The following SRGAP2C variants were observed in gnomAD, a reference collection of about 807,000 sequenced individuals.
SRGAP2C encodes SLIT-ROBO Rho GTPase-activating protein 2C.
A neutral mutation model predicts 25.1 loss-of-function variants in SRGAP2C; 15 were observed. The observed-to-expected ratio is 0.60, with a 90% CI of 0.40 to 0.92. The LOEUF (loss-of-function observed/expected upper bound fraction) is 0.92. Among genes scored for constraint, SRGAP2C ranks in the 40% least tolerant of loss-of-function variants. The pLI is 0.00. For missense variants in SRGAP2C, 144 were observed against 264.4 expected (o/e 0.54, Z 3.16); for synonymous variants, 44 against 96.6 (o/e 0.46, Z 3.19).
chr1:121,212,381 C>T (rs1198904432), intron 2 of SRGAP2C, among the ~76,000 whole-genome samples: 8 of 152,040 alleles, frequency 5.3e-5, no homozygotes, highest in African/African-American at 7.3e-5. Context: ...CTGCTTGCCT[C>T]GGCCTCTCAG....
intron 4 of SRGAP2C, among the ~76,000 whole-genome samples, chr1:121,334,504 C>T (rs1212743481): frequency 4.0e-5 from 6 of 148,246 alleles, no homozygotes; most frequent in South Asian, 4.3e-4. Context: ...CTCTGTCCCC[C>T]AGGCTGGAGT....
At chr1:121,293,089 T>C (rs1657522315) in intron 3 of SRGAP2C, among the ~76,000 whole-genome samples, 1 of 131,140 alleles carries the variant, frequency 7.6e-6, no homozygotes, top group Non-Finnish European at 1.6e-5. Flanking sequence ...ATGCTAGGCA[T>C]TGATCCTTTA....
chr1:121,263,031 A>G (rs760221292), intron 2 of SRGAP2C, among the ~76,000 whole-genome samples: 2 of 151,994 alleles, frequency 1.3e-5, no homozygotes, highest in Non-Finnish European at 2.9e-5. Context: ...TTTTTATCAT[A>G]TCTTTAAAAA....
chr1:121,201,998 C>G (rs587608262), intron 2 of SRGAP2C, among the ~76,000 whole-genome samples: 1 of 152,118 alleles, frequency 6.6e-6, no homozygotes, highest in African/African-American at 2.4e-5. Context: ...ATTCTGCCCT[C>G]GGACAATTCT....
At position 121,292,952 on chromosome 1, in the gene SRGAP2C, A is replaced by G. The variant is rs1657519376; in HGVS notation, c.260+7957A>G. The stretch of plus-strand genomic sequence containing the variant: ...TGAAAGGACAAGTGTAGGAAAGACC[A>G]TGGCCACCCATCCATACAGAGTGCC... On this transcript the variant is annotated intron_variant, in intron 3 of 9. Coordinates refer to ENST00000367123, the MANE Select transcript of SRGAP2C (RefSeq NM_001329984.2). 5.1e-5 allele frequency among the ~76,000 whole-genome samples: 4 copies of G among 78,772 alleles called. 2 individuals are homozygous for G. Among genetic ancestry groups the G allele is most frequent in the Non-Finnish European group, 5.0e-5 (2 of 39,968 alleles). The allele number at this position is 78,772 out of a possible 152,430, so 51.7% of individuals were successfully genotyped here. A position where few individuals can be genotyped will look rare whatever the true frequency, so the allele number is the denominator to read the frequency against.
intron 2 of SRGAP2C, among the ~76,000 whole-genome samples, chr1:121,216,037 G>C (rs1362369693): frequency 6.6e-6 from 1 of 151,932 alleles, no homozygotes; most frequent in African/African-American, 2.4e-5. Context: ...CCCTGCAGGG[G>C]CCTCTTGAAC....
At position 121,208,207 on chromosome 1, in the gene SRGAP2C, T is replaced by G. The variant is rs587634755; in HGVS notation, c.67+20694T>G. ...AGTGGACCATCTCTTGGTGTTTGTT[T>G]TGATGAGACTTGACCTATATAACAC... On this transcript the variant is annotated intron_variant, in intron 2 of 9. Coordinates refer to ENST00000367123, the MANE Select transcript of SRGAP2C (RefSeq NM_001329984.2). 4.6e-5 allele frequency among the ~76,000 whole-genome samples: 7 copies of G among 152,350 alleles called. No individual in the cohort carries two copies. The East Asian group carries it at 7.7e-4, about 17-fold the overall frequency.
chr1:121,322,848 G>C (rs1658240338), intron 3 of SRGAP2C, among the ~76,000 whole-genome samples: 2 of 152,056 alleles, frequency 1.3e-5, no homozygotes, highest in South Asian at 2.1e-4. Context: ...GTGCTGAATG[G>C]AGGCAGTACT....
At chr1:121,235,174 C>G in intron 2 of SRGAP2C, among the ~76,000 whole-genome samples, 1 of 143,098 alleles carries the variant, frequency 7.0e-6, no homozygotes, top group Non-Finnish European at 1.5e-5. Context: ...ACTACAGGCG[C>G]CCGCCACCAG....
chr1:121,290,913 T>A (rs1317569350), intron 3 of SRGAP2C, among the ~76,000 whole-genome samples: 1 of 66,056 alleles, frequency 1.5e-5, no homozygotes, highest in African/African-American at 6.3e-5. Flanking sequence ...ACACAGCTAT[T>A]TTCAAGAGCA....
intron 2 of SRGAP2C, among the ~76,000 whole-genome samples, chr1:121,217,239 A>T (rs1404160727): frequency 4.0e-5 from 6 of 151,500 alleles, no homozygotes; most frequent in African/African-American, 1.5e-4. Flanking sequence ...TGAGGATCCC[A>T]TCAGTTTTGG....
intron 4 of SRGAP2C, among the ~76,000 whole-genome samples, chr1:121,348,685 A>T (rs1233972720): frequency 3.3e-5 from 5 of 150,366 alleles, no homozygotes; most frequent in Non-Finnish European, 7.4e-5. Flanking sequence ...AAGGCATTGT[A>T]TAAGATTAGG....
intron 3 of SRGAP2C, among the ~76,000 whole-genome samples, chr1:121,293,578 A>G (rs1412137004): frequency 6.6e-6 from 1 of 152,100 alleles, no homozygotes; most frequent in African/African-American, 2.4e-5. Context: ...AATTAATGGA[A>G]TTCAAAGAAG....
At chr1:121,334,774 A>G (rs1658475749) in intron 4 of SRGAP2C, among the ~76,000 whole-genome samples, 1 of 149,246 alleles carries the variant, frequency 6.7e-6, no homozygotes, top group South Asian at 2.2e-4. Context: ...TGATCTGTCA[A>G]ATATCTAATT....
At chr1:121,307,988 A>G (rs1197375574) in intron 3 of SRGAP2C, among the ~76,000 whole-genome samples, 2 of 151,746 alleles carry the variant, frequency 1.3e-5, no homozygotes, top group African/African-American at 2.4e-5. Flanking sequence ...CAGTGTGTCA[A>G]CATGCTTTCA....
chr1:121,315,102 T>C (rs1466273477), intron 3 of SRGAP2C: 1 of 617,514 alleles, frequency 1.6e-6, no homozygotes, highest in Non-Finnish European at 2.7e-6. Flanking sequence ...CGAAGGTCTC[T>C]GGTGCAGGCG....
At chr1:121,289,515 G>T (rs1657451064) in intron 3 of SRGAP2C, among the ~76,000 whole-genome samples, 1 of 131,700 alleles carries the variant, frequency 7.6e-6, no homozygotes, top group Non-Finnish European at 1.6e-5. Context: ...AGCTGAGGGA[G>T]TGGGCTCCAG....
rs1431286796 is a variant in SRGAP2C, at chr1:121,287,609, A to G, written c.260+2614A>G. 2.0e-5 allele frequency among the ~76,000 whole-genome samples: 3 copies of G among 152,124 alleles called. 1 individual carries two copies. The highest frequency in any genetic ancestry group is 4.4e-5 in the Non-Finnish European group (3 of 68,028). On this transcript the variant is annotated intron_variant, in intron 3 of 9. Coordinates refer to ENST00000367123, the MANE Select transcript of SRGAP2C (RefSeq NM_001329984.2). Reference sequence around the variant, plus strand: ...CTTATGGACGTATTTGTTACAAATTAAGGTTCAGATGTGTTAATCTCCAAG... The same window carrying G: ...CTTATGGACGTATTTGTTACAAATTGAGGTTCAGATGTGTTAATCTCCAAG...
intron 5 of SRGAP2C, among the ~76,000 whole-genome samples, chr1:121,371,094 T>A (rs1383953216): frequency 6.6e-6 from 1 of 151,510 alleles, no homozygotes; most frequent in Non-Finnish European, 1.5e-5. Flanking sequence ...TTTAGACTTT[T>A]CAGTTTTTCC....
Sources: allele counts gnomAD v4.1 joint callset (sites outside exome capture counted in the v4.1 genomes callset), GRCh38; gene constraint gnomAD v4.1.1; transcripts MANE v1.5; gene names NCBI Gene and HGNC (gene_info 2026-07-23, HGNC 2026-07-21).